GPN3: variants seen among roughly 807,000 people sequenced by gnomAD.
GPN3 encodes GPN-loop GTPase 3, also known as ATP-binding domain 1 family member C.
GPN3 carries 31 observed loss-of-function variants against 38.7 expected under a neutral mutation model. That is an observed-to-expected ratio of 0.80 (90% CI 0.60 to 1.08). The LOEUF (loss-of-function observed/expected upper bound fraction) is 1.08, where lower values mean the gene tolerates loss of function less well. Among genes scored for constraint, GPN3 ranks in the 50% least tolerant of loss-of-function variants. The pLI, the probability that GPN3 is intolerant of heterozygous loss-of-function variation, is 0.00. For missense variants in GPN3, 301 were observed against 354.4 expected (o/e 0.85, Z 1.21); for synonymous variants, 116 against 120.2 (o/e 0.96, Z 0.23).
chr12:110,460,009 TC>T, intron 2 of GPN3, 147 bp from the exon 3 acceptor site: 1 of 636,172 alleles, frequency 1.6e-6, no homozygotes, highest in Non-Finnish European at 2.7e-6. Flanking sequence ...TGTAGCAGTG[TC>T]CATCAATAGA....
chr12:110,453,114 C>T lies in GPN3; in HGVS notation c.793-18G>A. On this transcript the variant is annotated intron_variant, in intron 7 of 7. Coordinates refer to ENST00000228827, the MANE Select transcript of GPN3 (RefSeq NM_016301.4). ...TCACGTTCCTGACACAATGGAAACA[C>T]AAAATAGAAAATATATTCATTTCCC... The T allele has an allele frequency of 8.1e-7, 1 of 1,238,862 alleles. No homozygotes were observed. The highest frequency in any genetic ancestry group is 1.2e-5 in the South Asian group (1 of 81,572). 76.7% of individuals were successfully genotyped at this position (1,238,862 alleles called of 1,614,324 possible). A position where few individuals can be genotyped will look rare whatever the true frequency, so the allele number is the denominator to read the frequency against.
intron 6 of GPN3, 77 bp downstream of exon 6, chr12:110,455,509 C>T (rs1401208156): frequency 2.8e-6 from 2 of 709,800 alleles, no homozygotes; most frequent in Non-Finnish European, 2.5e-6. Flanking sequence ...ATCTTGCTGC[C>T]TTGGCCTGCC....
Position 110,458,765 on chromosome 12 carries a change from A to G in GPN3, c.325+930T>C, listed in dbSNP as rs1367324618. Among the ~76,000 whole-genome samples, 2 of 152,032 alleles carry G rather than the reference A, an allele frequency of 1.3e-5. No homozygotes were observed. The highest frequency in any genetic ancestry group is 4.8e-5 in the African/African-American group (2 of 41,390). On this transcript the variant is annotated intron_variant, in intron 3 of 7. Transcript: ENST00000228827. This position sits in a 1 kb window ranked among gnomAD's most constrained non-coding sequence, Gnocchi z 4.4. Reference sequence around the variant, plus strand: ...ATCATACTCCAGCCTGGGTGACAGGAATGAAACTCAGTCTCAAAAAAAAGA... The same window carrying G: ...ATCATACTCCAGCCTGGGTGACAGGGATGAAACTCAGTCTCAAAAAAAAGA...
rs753751688 is a variant in GPN3 at position 110,455,897 on chromosome 12, TGGCACTCAG to T, written c.475_483del (p.Leu159_Ala161del). 4.1e-5 allele frequency: 66 copies of T among 1,607,540 alleles called. No homozygotes were observed. The highest frequency in any genetic ancestry group is 1.7e-4 in the Middle Eastern group (1 of 6,044). ...ACTTGCGGAATTTCTAGAGAGATCA[TGGCACTCAG>T]GGCTGCCAAGATGCCAGAAATAAAC... On this transcript the variant is annotated inframe_deletion, in exon 5 of 8. Coordinates refer to ENST00000228827, the MANE Select transcript of GPN3 (RefSeq NM_016301.4).
intron 4 of GPN3, among the ~76,000 whole-genome samples, chr12:110,456,674 C>T (rs1411884877): frequency 6.6e-6 from 1 of 150,574 alleles, no homozygotes; most frequent in Non-Finnish European, 1.5e-5. Flanking sequence ...TCAGTTTTTT[C>T]TCCCCCACTA....
intron 1 of GPN3, among the ~76,000 whole-genome samples, chr12:110,466,762 C>T (rs1039449328): frequency 6.6e-6 from 1 of 151,942 alleles, no homozygotes; most frequent in Non-Finnish European, 1.5e-5. Flanking sequence ...TCCCAAAGTG[C>T]GAGGATTACA....
intron 6 of GPN3, among the ~76,000 whole-genome samples, chr12:110,454,913 C>T (rs2062539080): frequency 6.6e-6 from 1 of 151,576 alleles, no homozygotes; most frequent in Admixed American, 6.6e-5. Flanking sequence ...ACCTCCACCT[C>T]CTGGGTTCCA....
At position 110,453,742 on chromosome 12, in the gene GPN3, C is replaced by T. The variant is rs765767340; in HGVS notation, c.792+1G>A. ...AACAAACACCCCAAACCAGAAATTA[C>T]CTTTGGTTCTTTAAATTCTAGGTCT... On this transcript the variant is annotated splice_donor_variant, in intron 7 of 7. Coordinates refer to ENST00000228827, the MANE Select transcript of GPN3 (RefSeq NM_016301.4). LOFTEE classifies it high-confidence loss of function. 2 of 1,606,892 alleles carry T rather than the reference C, an allele frequency of 1.2e-6. No homozygotes were observed. Among genetic ancestry groups the T allele is most frequent in the Non-Finnish European group, 8.5e-7 (1 of 1,173,776 alleles).
intron 3 of GPN3, 23 bp from the exon 4 acceptor site, chr12:110,457,657 AT>A: frequency 6.5e-7 from 1 of 1,548,604 alleles, no homozygotes; most frequent in Non-Finnish European, 8.8e-7. Context: ...TATTGCAAGA[AT>A]TTTAGAAATA....
chr12:110,462,611 GA>G (rs945695158), intron 2 of GPN3, among the ~76,000 whole-genome samples: 1 of 151,934 alleles, frequency 6.6e-6, no homozygotes, highest in Non-Finnish European at 1.5e-5. Flanking sequence ...TTTTAAAATG[GA>G]GTTTTGCTCT....
intron 6 of GPN3, among the ~76,000 whole-genome samples, chr12:110,454,097 T>A (rs1431471726): frequency 1.3e-5 from 2 of 152,236 alleles, no homozygotes; most frequent in Non-Finnish European, 2.9e-5. Context: ...AACTAGACAC[T>A]GTTTCACGGC....
rs1199705014 is a variant in GPN3 at position 110,452,816 on chromosome 12, A to T, written c.*218T>A. 1.3e-5 allele frequency: 6 copies of T among 468,324 alleles called. No individual in the cohort carries two copies. The highest frequency in any genetic ancestry group is 2.3e-5 in the Non-Finnish European group (6 of 259,394). The allele number at this position is 468,324 out of a possible 1,614,324, so 29.0% of individuals were successfully genotyped here. ...ATTCATTTCAATTTTGACTTACAAA[A>T]TCTAAAGTGATGCTGTTATAATACT... On this transcript the variant is annotated 3_prime_UTR_variant, in exon 8 of 8. Transcript: ENST00000228827.
upstream of GPN3, chr12:110,468,515 C>A: frequency 6.5e-7 from 1 of 1,537,308 alleles, no homozygotes; most frequent in South Asian, 1.2e-5. Flanking sequence ...ATCCTTGCGC[C>A]ACGTGCTTCG....
intron 1 of GPN3, among the ~76,000 whole-genome samples, chr12:110,467,919 A>C (rs973881161): frequency 1.1e-4 from 16 of 152,336 alleles, no homozygotes; most frequent in Middle Eastern, 3.4e-3. Context: ...TGTTGTAGAA[A>C]TAAGCGAGGC....
In GPN3 at chr12:110,457,491, A is replaced by G. The variant is rs1260395328; in HGVS notation, c.450+19T>C. 2 of 1,320,846 alleles carry G rather than the reference A, an allele frequency of 1.5e-6. No homozygotes were observed. The highest frequency in any genetic ancestry group is 2.1e-6 in the Non-Finnish European group (2 of 955,470). 81.8% of individuals were successfully genotyped at this position (1,320,846 alleles called of 1,614,324 possible). A position where few individuals can be genotyped will look rare whatever the true frequency, so the allele number is the denominator to read the frequency against. On this transcript the variant is annotated intron_variant, in intron 4 of 7. Coordinates refer to ENST00000228827, the MANE Select transcript of GPN3 (RefSeq NM_016301.4). ...AAAAAAAAAAAAAAAAAAAATCTGT[A>G]AGAGATTTAGCTTCAGACCTTGAAT...
At chr12:110,453,459 A>G (rs1000757989) in intron 7 of GPN3, among the ~76,000 whole-genome samples, 32 of 152,210 alleles carry the variant, frequency 2.1e-4, no homozygotes, top group African/African-American at 7.0e-4. Flanking sequence ...TAGTCTTCTC[A>G]ATGACATACG....
At chr12:110,468,453 GCTGT>G (rs747140510), upstream of GPN3, 31 of 1,535,462 alleles carry the variant, frequency 2.0e-5, no homozygotes, top group South Asian at 3.6e-5. Context: ...CCGTTGGGAT[GCTGT>G]CTAAGCTTGG....
chr12:110,468,261 C>T, upstream of GPN3: 1 of 1,603,262 alleles, frequency 6.2e-7, no homozygotes, highest in Non-Finnish European at 8.5e-7. Flanking sequence ...GCCCACTGAG[C>T]TCCGGGAAAG....
Position 110,458,187 on chromosome 12 carries a change from G to A in GPN3, c.326-553C>T, listed in dbSNP as rs1218297027. Among the ~76,000 whole-genome samples, 1 of 151,092 alleles carries A rather than the reference G, an allele frequency of 6.6e-6. No individual in the cohort carries two copies. The highest frequency in any genetic ancestry group is 2.4e-5 in the African/African-American group (1 of 41,042). On this transcript the variant is annotated intron_variant, in intron 3 of 7. Transcript: ENST00000228827. The surrounding 1 kb of genome is among the most constrained non-coding windows in gnomAD (Gnocchi z 4.4). ...ACTTTAGTTTTCTGCCAATCAATAT[G>A]AGTGTTATTGGCCAGATGCCATGGT...
Sources: allele counts gnomAD v4.1 joint callset (sites outside exome capture counted in the v4.1 genomes callset), GRCh38; gene constraint gnomAD v4.1.1; non-coding constraint Gnocchi (gnomAD v3.1); transcripts MANE v1.5; gene names NCBI Gene and HGNC (gene_info 2026-07-23, HGNC 2026-07-21).